NKD2: variants seen among roughly 807,000 people sequenced by gnomAD.
The protein encoded by NKD2 is NKD inhibitor of Wnt signaling pathway 2.
NKD2 carries 43 observed loss-of-function variants against 34.8 expected under a neutral mutation model. That is an observed-to-expected ratio of 1.24 (90% CI 0.97 to 1.60). The LOEUF is 1.60. Among genes scored for constraint, NKD2 ranks in the 40% most tolerant of loss-of-function variants. The pLI is 0.00. For missense variants in NKD2, 675 were observed against 627.1 expected (o/e 1.08, Z -0.82); for synonymous variants, 278 against 265.1 (o/e 1.05, Z -0.47).
intron 9 of NKD2, chr5:1,037,521 G>C: frequency 6.5e-7 from 1 of 1,535,776 alleles, no homozygotes; most frequent in Non-Finnish European, 8.7e-7. Flanking sequence ...CCCAAGCAGG[G>C]TCTCAGCTGT....
chr5:1,013,757 G>A (rs1036556019), intron 3 of NKD2, among the ~76,000 whole-genome samples: 1 of 152,250 alleles, frequency 6.6e-6, no homozygotes, highest in African/African-American at 2.4e-5. Flanking sequence ...GGTTGGGCCA[G>A]TGGATCTGTG....
intron 3 of NKD2, among the ~76,000 whole-genome samples, chr5:1,013,047 T>A (rs991709017): frequency 6.6e-6 from 1 of 152,180 alleles, no homozygotes; most frequent in Non-Finnish European, 1.5e-5. Flanking sequence ...GTGTGGACCA[T>A]ACTCTGCTTG....
At chr5:1,018,732 A>AC (rs1756055990) in intron 3 of NKD2, among the ~76,000 whole-genome samples, 1 of 151,978 alleles carries the variant, frequency 6.6e-6, no homozygotes, top group South Asian at 2.1e-4. Context: ...GGTGGTCAGG[A>AC]CCCTGCCAGG....
rs1755643108 is a variant in NKD2 at position 1,009,122 on chromosome 5, G to GGCGT, written c.25+42_25+45dup. 1 of 488,776 alleles carries GGCGT rather than the reference G, an allele frequency of 2.0e-6. No individual in the cohort carries two copies. 30.3% of individuals were successfully genotyped at this position (488,776 alleles called of 1,614,324 possible). A position where few individuals can be genotyped will look rare whatever the true frequency, so the allele number is the denominator to read the frequency against. Reference sequence around the variant, plus strand: ...GGTAGGGCGGGAGGGCGGGCGGGCGGGCGTGGGGCCGCCTCTCACTGTCGT... The same window carrying GGCGT: ...GGTAGGGCGGGAGGGCGGGCGGGCGGGCGTGCGTGGGGCCGCCTCTCACTGTCGT... On this transcript the variant is annotated intron_variant, in intron 1 of 9. Coordinates refer to ENST00000296849, the MANE Select transcript of NKD2 (RefSeq NM_033120.4). This position sits in a 1 kb window ranked among gnomAD's most constrained non-coding sequence, Gnocchi z 6.9.
intron 3 of NKD2, among the ~76,000 whole-genome samples, chr5:1,025,851 T>C: frequency 9.8e-6 from 1 of 102,030 alleles, no homozygotes; most frequent in Non-Finnish European, 2.0e-5. Flanking sequence ...CCGTTGTCCC[T>C]GCTCTTCCCA....
chr5:1,027,047 A>G (rs1008495336), intron 3 of NKD2, among the ~76,000 whole-genome samples: 2 of 152,258 alleles, frequency 1.3e-5, no homozygotes, highest in African/African-American at 4.8e-5. Context: ...CAATGACCAC[A>G]GGACATGGGC....
Position 1,009,645 on chromosome 5 carries a change from C to A in NKD2, c.141+85C>A. The stretch of plus-strand genomic sequence containing the variant: ...TGTCAGAGCTGTTCCTGGTGCCCGC[C>A]CGCGGACAGGCGAGACGTGGGCCGC... On this transcript the variant is annotated intron_variant, in intron 3 of 9. Coordinates refer to ENST00000296849, the MANE Select transcript of NKD2 (RefSeq NM_033120.4). The surrounding 1 kb of genome is among the most constrained non-coding windows in gnomAD (Gnocchi z 6.9). 2 of 1,163,902 alleles carry A rather than the reference C, an allele frequency of 1.7e-6. No homozygotes were observed. Among genetic ancestry groups the A allele is most frequent in the Non-Finnish European group, 2.3e-6 (2 of 887,608 alleles). 72.1% of individuals were successfully genotyped at this position (1,163,902 alleles called of 1,614,324 possible).
At chr5:1,013,670 C>T (rs1482931324) in intron 3 of NKD2, among the ~76,000 whole-genome samples, 3 of 152,234 alleles carry the variant, frequency 2.0e-5, no homozygotes, top group Admixed American at 2.0e-4. Context: ...CATCCCCTGT[C>T]CTGCAGCAGG....
intron 3 of NKD2, among the ~76,000 whole-genome samples, chr5:1,020,858 C>T (rs570798984): frequency 6.6e-6 from 1 of 152,072 alleles, no homozygotes; most frequent in Admixed American, 6.5e-5. Flanking sequence ...CGTCCACCCT[C>T]GTGGCAGGGG....
intron 3 of NKD2, among the ~76,000 whole-genome samples, chr5:1,012,036 G>A (rs914476839): frequency 7.9e-5 from 12 of 152,208 alleles, no homozygotes; most frequent in African/African-American, 2.9e-4. Flanking sequence ...TGGTGGCAGT[G>A]CACTTGTGTG....
rs150080957 is a variant in NKD2, at chr5:1,016,097, TC to T, written c.141+6545del. Among the ~76,000 whole-genome samples the T allele has an allele frequency of 7.0e-3, 1,065 of 151,798 alleles. 7 individuals carry two copies. The highest frequency in any genetic ancestry group is 0.021 in the African/African-American group (859 of 41,372). ...AGAGGGGTCTGCCCAGGTAGCAGGA[TC>T]CCCCCCCACACCGGACACTTCCCCA... On this transcript the variant is annotated intron_variant, in intron 3 of 9. Transcript: ENST00000296849.
At position 1,037,842 on chromosome 5, in the gene NKD2, C is replaced by T. The variant is rs1245437379; in HGVS notation, c.825C>T (p.Gly275=). 1.9e-6 allele frequency: 3 copies of T among 1,590,762 alleles called. No individual in the cohort carries two copies. The highest frequency in any genetic ancestry group is 1.7e-6 in the Non-Finnish European group (2 of 1,172,260). The change falls in exon 10 of 10, where the codon GGC becomes GGT. Residue 275 remains glycine (G), a synonymous_variant. Coordinates refer to ENST00000296849, the MANE Select transcript of NKD2 (RefSeq NM_033120.4). ...TGCAAGCAAAGCAGGAGCCCCAGGG[C>T]AGGGCCTCGCACCTCCAGGCCCGGT... ...PPVQAKQEPQ[G]RASHLQARSR...
chr5:1,017,202 CTCTGTGGCTGGCG>C (rs1361367082), intron 3 of NKD2, among the ~76,000 whole-genome samples: 1 of 152,166 alleles, frequency 6.6e-6, no homozygotes, highest in Non-Finnish European at 1.5e-5. Flanking sequence ...TAGCTTGGCT[CTCTGTGGCTGGCG>C]TCTGGGCCTC....
chr5:1,034,938 C>T, intron 7 of NKD2, 35 bp downstream of exon 7: 1 of 1,573,260 alleles, frequency 6.4e-7, no homozygotes, highest in Non-Finnish European at 8.6e-7. Flanking sequence ...GAGGACCCTA[C>T]CCAACATTGG....
In NKD2 at chr5:1,038,460, A is replaced by G. The variant is rs1419847920; in HGVS notation, c.*87A>G. ...CAGAGCAGCTGCCGGCTGTGTGCCC[A>G]TGGGGAGCCCAGCCCCCACCCCCCA... On this transcript the variant is annotated 3_prime_UTR_variant, in exon 10 of 10. Coordinates refer to ENST00000296849, the MANE Select transcript of NKD2 (RefSeq NM_033120.4). The surrounding 1 kb of genome is among the most constrained non-coding windows in gnomAD (Gnocchi z 4.5). 7 of 1,534,720 alleles carry G rather than the reference A, an allele frequency of 4.6e-6. No individual in the cohort carries two copies. The highest frequency in any genetic ancestry group is 3.9e-5 in the Admixed American group (2 of 50,932).
In NKD2 at chr5:1,022,467, T is replaced by C. The variant is rs201554533; in HGVS notation, c.142-9685T>C. On this transcript the variant is annotated intron_variant, in intron 3 of 9. Coordinates refer to ENST00000296849, the MANE Select transcript of NKD2 (RefSeq NM_033120.4). ...CTGCTCTTCCCACCCGCTGTGGGTG[T>C]CCCAGCCCTTTGTCCCTGCTCTTCC... Among the ~76,000 whole-genome samples the C allele has an allele frequency of 1.6e-3, 17 of 10,546 alleles. 1 individual carries two copies. Among genetic ancestry groups the C allele is most frequent in the Middle Eastern group, 0.1 (1 of 10 alleles). The allele number at this position is 10,546 out of a possible 152,430, so 6.9% of individuals were successfully genotyped here.
At chr5:1,030,113 G>C (rs1389607551) in intron 3 of NKD2, among the ~76,000 whole-genome samples, 1 of 151,626 alleles carries the variant, frequency 6.6e-6, no homozygotes, top group South Asian at 2.1e-4. Context: ...GAGCTCCCAA[G>C]GGTAGACAGG....
intron 3 of NKD2, among the ~76,000 whole-genome samples, chr5:1,021,099 C>T: frequency 6.6e-6 from 1 of 152,176 alleles, no homozygotes; most frequent in Non-Finnish European, 1.5e-5. Flanking sequence ...CAGCAGAACT[C>T]TGGCTTGTGA....
intron 8 of NKD2, chr5:1,035,756 C>T (rs1022194328): frequency 2.1e-6 from 1 of 487,226 alleles, no homozygotes; most frequent in African/African-American, 2.0e-5. Flanking sequence ...ACTGTGGCTC[C>T]CTGTGGCTCC....
Sources: gnomAD v4.1 joint callset for allele counts (sites outside exome capture counted in the v4.1 genomes callset) on GRCh38, gnomAD v4.1.1 for gene constraint, Gnocchi (gnomAD v3.1) non-coding constraint, MANE v1.5 for transcripts, NCBI Gene and HGNC (gene_info 2026-07-23, HGNC 2026-07-21) for gene names.